Variants in PTPRD observed in about 807,000 individuals in gnomAD.
PTPRD encodes the protein protein tyrosine phosphatase receptor type D, also known as receptor-type tyrosine-protein phosphatase delta.
In PTPRD, 34 loss-of-function variants were observed where a neutral mutation model predicts 214.5. The observed-to-expected ratio is 0.16, with a 90% CI of 0.12 to 0.21. PTPRD has a LOEUF of 0.21. PTPRD is among the 10% of genes least tolerant of loss of function. The probability of loss-of-function intolerance (pLI) is 1.00; values close to 1 mark genes in which losing one functional copy is unlikely to be tolerated. For missense variants in PTPRD, 2,545 were observed against 2,398.7 expected (o/e 1.06, Z -1.27); for synonymous variants, 1,128 against 845.7 (o/e 1.33, Z -5.79).
At position 9,617,028 on chromosome 9, in the gene PTPRD, C is replaced by T. The variant is rs1019691016; in HGVS notation, c.-286-42247G>A. Among the ~76,000 whole-genome samples the T allele has an allele frequency of 2.0e-5, 3 of 152,108 alleles. 1 individual carries two copies. The highest frequency in any genetic ancestry group is 4.4e-5 in the Non-Finnish European group (3 of 68,022). ...TAAAGCCAAGAACTCAAGTGACCTC[C>T]CAGAATGAACCCCAATTTGGAGTTT... On this transcript the variant is annotated intron_variant, in intron 7 of 45. Transcript: ENST00000381196.
At chr9:9,910,469 T>C (rs1319923838) in intron 5 of PTPRD, among the ~76,000 whole-genome samples, 1 of 152,052 alleles carries the variant, frequency 6.6e-6, no homozygotes, top group Non-Finnish European at 1.5e-5. Context: ...AAATGTATTC[T>C]TGAAGGATGT....
chr9:9,096,803 T>C (rs1166455587), intron 10 of PTPRD, among the ~76,000 whole-genome samples: 2 of 152,200 alleles, frequency 1.3e-5, no homozygotes, highest in Non-Finnish European at 2.9e-5. Context: ...TATAATGCTA[T>C]GGAGGCTTCA....
chr9:8,361,220 G>A (rs1436313464), intron 39 of PTPRD, among the ~76,000 whole-genome samples: 1 of 152,072 alleles, frequency 6.6e-6, no homozygotes, highest in Non-Finnish European at 1.5e-5. Context: ...ATCTAGCTCT[G>A]CTTTCACAGA....
chr9:8,637,513 C>G (rs1366134331), intron 12 of PTPRD, among the ~76,000 whole-genome samples: 1 of 152,174 alleles, frequency 6.6e-6, no homozygotes, highest in Non-Finnish European at 1.5e-5. Flanking sequence ...AAGATGTAGA[C>G]TTAAAGATTA....
chr9:9,897,131 T>TACACACACACACAC (rs60964311), intron 5 of PTPRD, among the ~76,000 whole-genome samples: 24 of 148,986 alleles, frequency 1.6e-4, no homozygotes, highest in East Asian at 8.0e-4. Context: ...CTCTTACACT[T>TACACACACACACAC]ACACACACAC....
intron 39 of PTPRD, among the ~76,000 whole-genome samples, chr9:8,367,927 T>C (rs2080386764): frequency 6.6e-6 from 1 of 152,156 alleles, no homozygotes; most frequent in South Asian, 2.1e-4. Flanking sequence ...ACGTTACTGA[T>C]CAGGAAATTG....
At chr9:9,495,477 C>G (rs986824650) in intron 8 of PTPRD, among the ~76,000 whole-genome samples, 3 of 152,070 alleles carry the variant, frequency 2.0e-5, no homozygotes, top group African/African-American at 7.2e-5. Flanking sequence ...AAAAACCCTA[C>G]AGCCCGCCCT....
At chr9:9,825,124 A>G (rs1385708139) in intron 5 of PTPRD, among the ~76,000 whole-genome samples, 10 of 152,032 alleles carry the variant, frequency 6.6e-5, no homozygotes, top group Admixed American at 5.9e-4. Context: ...TATTTATTTG[A>G]TGAAATACTT....
chr9:9,175,629 A>AC (rs1554914061), intron 10 of PTPRD, among the ~76,000 whole-genome samples: 47 of 111,042 alleles, frequency 4.2e-4, no homozygotes, highest in African/African-American at 5.8e-4. Context: ...TCTCAAAAAA[A>AC]AAAAAAAAAA....
chr9:8,481,874 C>G (rs2096893795), intron 30 of PTPRD, among the ~76,000 whole-genome samples: 1 of 152,184 alleles, frequency 6.6e-6, no homozygotes, highest in African/African-American at 2.4e-5. Context: ...TCTCCACCTC[C>G]CAGGTTCAAG....
chr9:10,215,562 A>G (rs2099537338), intron 3 of PTPRD, among the ~76,000 whole-genome samples: 1 of 152,060 alleles, frequency 6.6e-6, no homozygotes, highest in African/African-American at 2.4e-5. Flanking sequence ...GAGAATGAAA[A>G]CTGTCAACTT....
intron 5 of PTPRD, among the ~76,000 whole-genome samples, chr9:9,828,875 T>A (rs1461060485): frequency 6.6e-6 from 1 of 151,944 alleles, no homozygotes; most frequent in African/African-American, 2.4e-5. Context: ...GGTGCTCACT[T>A]CCATTTAACT....
At chr9:10,080,218 C>T (rs1037128469) in intron 3 of PTPRD, among the ~76,000 whole-genome samples, 1 of 152,132 alleles carries the variant, frequency 6.6e-6, no homozygotes, top group Non-Finnish European at 1.5e-5. Flanking sequence ...ACCATTATAG[C>T]TGGTAGCACA....
chr9:8,389,480 G>A (rs2135680478), intron 36 of PTPRD, 73 bp from the exon 37 acceptor site: 1 of 1,146,964 alleles, frequency 8.7e-7, no homozygotes, highest in Non-Finnish European at 1.2e-6. Flanking sequence ...ATGACCTAAT[G>A]GCAGTGCTAT....
At chr9:10,264,843 G>A (rs1309509552) in intron 3 of PTPRD, among the ~76,000 whole-genome samples, 4 of 152,136 alleles carry the variant, frequency 2.6e-5, no homozygotes, top group Non-Finnish European at 5.9e-5. Context: ...ATCCCCACGT[G>A]TTGTGGGAGG....
At chr9:9,877,871 G>A (rs146522256) in intron 5 of PTPRD, among the ~76,000 whole-genome samples, 1 of 151,440 alleles carries the variant, frequency 6.6e-6, no homozygotes, top group East Asian at 2.0e-4. Flanking sequence ...TACTTGGGAG[G>A]CTGAGGCAGG....
intron 3 of PTPRD, among the ~76,000 whole-genome samples, chr9:10,273,383 T>G (rs2154384319): frequency 6.6e-6 from 1 of 152,194 alleles, no homozygotes; most frequent in African/African-American, 2.4e-5. Context: ...ATAAGAAAAT[T>G]GTTTTAATAC....
intron 34 of PTPRD, among the ~76,000 whole-genome samples, chr9:8,446,961 G>C (rs2095755712): frequency 6.6e-6 from 1 of 152,196 alleles, no homozygotes. Flanking sequence ...GCAGGCTGAA[G>C]CAAATGGTCA....
intron 14 of PTPRD, among the ~76,000 whole-genome samples, chr9:8,554,901 C>T (rs2083264409): frequency 6.6e-6 from 1 of 152,068 alleles, no homozygotes; most frequent in South Asian, 2.1e-4. Context: ...GATCCAGGAT[C>T]AGAGTCCATC....
Sources: allele counts gnomAD v4.1 joint callset (sites outside exome capture counted in the v4.1 genomes callset), GRCh38; gene constraint gnomAD v4.1.1; transcripts MANE v1.5; gene names NCBI Gene and HGNC (gene_info 2026-07-23, HGNC 2026-07-21).